Variants in TTC21B observed in about 807,000 individuals in gnomAD.
TTC21B encodes the protein tetratricopeptide repeat domain 21B, also known as tetratricopeptide repeat protein 21B.
A neutral mutation model predicts 175.1 loss-of-function variants in TTC21B; 127 were observed. The observed-to-expected ratio is 0.73, with a 90% CI of 0.63 to 0.84. TTC21B has a LOEUF of 0.84. Ranked by LOEUF, TTC21B falls within the 40% of genes least tolerant of loss-of-function variation. TTC21B has a pLI of 0.00. For missense variants in TTC21B, 1,561 were observed against 1,558.3 expected (o/e 1.00, Z -0.03); for synonymous variants, 524 against 524.5 (o/e 1.00, Z 0.01).
intron 7 of TTC21B, 94 bp from the exon 8 acceptor site, chr2:165,931,950 G>A (rs1686926512): frequency 1.2e-6 from 1 of 824,380 alleles, no homozygotes; most frequent in Non-Finnish European, 2.1e-6. Context: ...TACCCTACTA[G>A]TATTTTAAAA....
At chr2:165,899,935 A>C in intron 20 of TTC21B, 55 bp from the exon 21 acceptor site, 1 of 1,057,382 alleles carries the variant, frequency 9.5e-7, no homozygotes, top group East Asian at 3.0e-5. Flanking sequence ...AAAGTCAATG[A>C]GGAAAATACG....
At position 165,930,383 on chromosome 2, in the gene TTC21B, G is replaced by A; in HGVS notation, c.895-19C>T. On this transcript the variant is annotated intron_variant, in intron 8 of 28. Transcript: ENST00000243344. ...GTCCACACTAAAAAGAAAAAAAAAT[G>A]ATGTAAGATTTCAAAGTCTAACATT... is the stretch of plus-strand genomic sequence containing the variant. 1 of 1,556,884 alleles carries A rather than the reference G, an allele frequency of 6.4e-7. No homozygotes were observed. The highest frequency in any genetic ancestry group is 1.1e-5 in the South Asian group (1 of 87,218).
rs73969724 is a variant in TTC21B at position 165,907,633 on chromosome 2, T to A, written c.2568+45A>T. 5.9e-4 allele frequency: 754 copies of A among 1,284,890 alleles called. 3 individuals are homozygous for A. The African/African-American group carries it at 1.0e-2, about 17-fold the overall frequency. The allele number at this position is 1,284,890 out of a possible 1,614,324, so 79.6% of individuals were successfully genotyped here. On this transcript the variant is annotated intron_variant, in intron 19 of 28. Transcript: ENST00000243344. ...TATACATGGCATATTTCCTTCTGCA[T>A]CCATCTCCTACCTCATGACCACACT... is the stretch of plus-strand genomic sequence containing the variant.
intron 27 of TTC21B, among the ~76,000 whole-genome samples, chr2:165,878,883 T>C (rs986058116): frequency 6.6e-6 from 1 of 152,096 alleles, no homozygotes; most frequent in African/African-American, 2.4e-5. Flanking sequence ...AGTTTCACCA[T>C]GTTGGCCAGG....
intron 24 of TTC21B, among the ~76,000 whole-genome samples, chr2:165,889,393 G>A (rs1485954059): frequency 6.6e-6 from 1 of 152,122 alleles, no homozygotes; most frequent in African/African-American, 2.4e-5. Flanking sequence ...TTAGTTCTCA[G>A]ATTTTTGTTA....
intron 19 of TTC21B, among the ~76,000 whole-genome samples, chr2:165,904,514 CA>C (rs1208855419): frequency 6.6e-6 from 1 of 152,198 alleles, no homozygotes; most frequent in Non-Finnish European, 1.5e-5. Context: ...CAAAACACTA[CA>C]AATTAATTGC....
intron 25 of TTC21B, among the ~76,000 whole-genome samples, chr2:165,887,468 C>A (rs72885082): frequency 0.14 from 21,418 of 151,918 alleles, 1,704 homozygotes; most frequent in East Asian, 0.27. Context: ...ATAGGCGGAT[C>A]ACCTGAGTCA....
chr2:165,877,182 T>C (rs1684692122), intron 27 of TTC21B, among the ~76,000 whole-genome samples: 1 of 152,140 alleles, frequency 6.6e-6, no homozygotes, highest in Non-Finnish European at 1.5e-5. Context: ...TAATAAAAAA[T>C]ATCTCACTCT....
chr2:165,920,699 C>CT (rs1686356980), intron 12 of TTC21B, among the ~76,000 whole-genome samples: 2 of 124,686 alleles, frequency 1.6e-5, no homozygotes, highest in South Asian at 5.2e-4. Flanking sequence ...AAATGAGAAT[C>CT]TTTGTTTCTT....
chr2:165,927,236 ATCCTAGTAGT>A, intron 11 of TTC21B, among the ~76,000 whole-genome samples: 1 of 11,418 alleles, frequency 8.8e-5, no homozygotes, highest in African/African-American at 2.9e-4. Context: ...ATATATATAT[ATCCTAGTAGT>A]TATATATATA....
intron 3 of TTC21B, among the ~76,000 whole-genome samples, chr2:165,946,403 T>C (rs1212635154): frequency 1.3e-5 from 2 of 152,310 alleles, no homozygotes; most frequent in African/African-American, 2.4e-5. Context: ...ATAAAACTTA[T>C]GGCTGAAAAG....
chr2:165,928,746 A>G (rs1311527258), intron 11 of TTC21B: 1 of 188,094 alleles, frequency 5.3e-6, no homozygotes, highest in East Asian at 1.5e-4. Flanking sequence ...GTTTGACTTA[A>G]CACAGGAAAC....
At chr2:165,917,138 C>A in intron 14 of TTC21B, 119 bp downstream of exon 14, 1 of 954,776 alleles carries the variant, frequency 1.0e-6, no homozygotes, top group South Asian at 1.4e-5. Flanking sequence ...CTCGGCCTCC[C>A]AAAGTGCTGG....
chr2:165,951,020 T>C (rs62177855), intron 1 of TTC21B, among the ~76,000 whole-genome samples: 7,737 of 152,278 alleles, frequency 0.051, 258 homozygotes, highest in Non-Finnish European at 0.075. Context: ...CTCCTTGTGA[T>C]CACTGCTCCC....
chr2:165,873,759 CA>C lies in TTC21B; in HGVS notation c.*995del, dbSNP rs1684580148. ...CTTAAGACCACAATGGCCTTGAAAG[CA>C]GGAAGAATGAGCTCAAGAAAGGAAA... On this transcript the variant is annotated 3_prime_UTR_variant, in exon 29 of 29. Transcript: ENST00000243344. 6.6e-6 allele frequency: 1 copy of C among 152,040 alleles called. No individual in the cohort carries two copies. Among genetic ancestry groups the C allele is most frequent in the South Asian group, 2.1e-4 (1 of 4,820 alleles). 9.4% of individuals were successfully genotyped at this position (152,040 alleles called of 1,614,324 possible).
chr2:165,913,733 T>A (rs1574097405), intron 15 of TTC21B, 87 bp from the exon 16 acceptor site: 2 of 1,173,224 alleles, frequency 1.7e-6, no homozygotes, highest in Admixed American at 3.7e-5. Context: ...AGCTCCCTTA[T>A]TTTAGTTAGC....
chr2:165,888,067 G>A (rs756135996), intron 25 of TTC21B, among the ~76,000 whole-genome samples: 2 of 152,126 alleles, frequency 1.3e-5, no homozygotes, highest in Non-Finnish European at 2.9e-5. Context: ...TAACATTCCA[G>A]TAGAGAGAAA....
intron 3 of TTC21B, chr2:165,947,240 T>C (rs1358381181): frequency 7.3e-6 from 1 of 136,906 alleles, no homozygotes; most frequent in Non-Finnish European, 1.5e-5. Context: ...AAACCCTGGA[T>C]GGAATCAGAA....
At chr2:165,952,469 T>C (rs1266349144) in intron 1 of TTC21B, among the ~76,000 whole-genome samples, 1 of 152,120 alleles carries the variant, frequency 6.6e-6, no homozygotes, top group African/African-American at 2.4e-5. Flanking sequence ...GAGGCTTAAG[T>C]GAGACAGAGA....
Sources: allele counts gnomAD v4.1 joint callset (sites outside exome capture counted in the v4.1 genomes callset), GRCh38; gene constraint gnomAD v4.1.1; transcripts MANE v1.5; gene names NCBI Gene and HGNC (gene_info 2026-07-23, HGNC 2026-07-21).